Variants in ELF2 observed in about 807,000 individuals in gnomAD.
ELF2 encodes the protein E74 like ETS transcription factor 2, also known as ETS-related transcription factor Elf-2.
ELF2 carries 11 observed loss-of-function variants against 54.8 expected under a neutral mutation model. The observed-to-expected ratio is 0.20, with a 90% confidence interval of 0.13 to 0.33. The LOEUF is 0.33. Ranked by LOEUF, ELF2 falls within the 10% of genes least tolerant of loss-of-function variation. The probability of loss-of-function intolerance (pLI) is 1.00; values close to 1 mark genes in which losing one functional copy is unlikely to be tolerated. For synonymous variants in ELF2, 203 were observed against 245.1 expected, an observed-to-expected ratio of 0.83 and a Z score of 1.61; for missense variants, 513 against 703.0, an observed-to-expected ratio of 0.73 and a Z score of 3.06.
rs72724731 is a variant in ELF2 at position 139,111,262 on chromosome 4, A to G, written c.238+13902T>C. On this transcript the variant is annotated intron_variant, in intron 4 of 9. Transcript: ENST00000686138. Reference sequence around the variant, plus strand: ...CTGAAAATACAGATAGAGTTTCAAGATAACTTTTACTTACAAGTTAGTCCT... The same window carrying G: ...CTGAAAATACAGATAGAGTTTCAAGGTAACTTTTACTTACAAGTTAGTCCT... Among the ~76,000 whole-genome samples the G allele has an allele frequency of 2.6e-3, 393 of 152,302 alleles. 3 individuals carry two copies. Among genetic ancestry groups the G allele is most frequent in the Non-Finnish European group, 3.9e-3 (268 of 68,014 alleles).
chr4:139,090,913 GT>G, intron 4 of ELF2, among the ~76,000 whole-genome samples: 1 of 149,540 alleles, frequency 6.7e-6, no homozygotes, highest in South Asian at 2.1e-4. Context: ...ATAGTATATG[GT>G]TTGTTTTGTT....
At chr4:139,177,890 T>C (rs1743138883), upstream of ELF2, among the ~76,000 whole-genome samples, 1 of 152,052 alleles carries the variant, frequency 6.6e-6, no homozygotes, top group Non-Finnish European at 1.5e-5. Context: ...CAGTTCCCAC[T>C]CCTCAGCCTT....
chr4:139,067,836 G>A, intron 6 of ELF2, 66 bp from the exon 7 acceptor site: 1 of 1,433,898 alleles, frequency 7.0e-7, no homozygotes, highest in Non-Finnish European at 9.6e-7. Flanking sequence ...ACGATTAGCA[G>A]ACTTTCTGAT....
chr4:139,122,460 T>C (rs1369717369), intron 4 of ELF2, among the ~76,000 whole-genome samples: 1 of 152,058 alleles, frequency 6.6e-6, no homozygotes, highest in Non-Finnish European at 1.5e-5. Context: ...ATTCAGATTT[T>C]AACTCATTTA....
At chr4:139,148,511 T>A (rs1739505464) in intron 1 of ELF2, among the ~76,000 whole-genome samples, 1 of 151,892 alleles carries the variant, frequency 6.6e-6, no homozygotes, top group Non-Finnish European at 1.5e-5. Flanking sequence ...CTTCTTTCAC[T>A]TACAATAAAG....
chr4:139,089,098 C>T (rs1240203743), intron 4 of ELF2, among the ~76,000 whole-genome samples: 1 of 152,214 alleles, frequency 6.6e-6, no homozygotes, highest in African/African-American at 2.4e-5. Flanking sequence ...CAAAAATCAG[C>T]ATATCAAGTC....
At chr4:139,159,899 C>A (rs907645966) in intron 1 of ELF2, among the ~76,000 whole-genome samples, 2 of 152,134 alleles carry the variant, frequency 1.3e-5, no homozygotes, top group African/African-American at 2.4e-5. Context: ...ATATGGAAGG[C>A]GTATTTAGAG....
At chr4:139,135,833 A>G (rs549700038) in intron 3 of ELF2, among the ~76,000 whole-genome samples, 2 of 152,296 alleles carry the variant, frequency 1.3e-5, no homozygotes, top group East Asian at 3.9e-4. Context: ...GTCAATAATA[A>G]TTTGGTAAAG....
At chr4:139,080,892 C>T (rs1313641602) in intron 4 of ELF2, among the ~76,000 whole-genome samples, 1 of 151,302 alleles carries the variant, frequency 6.6e-6, no homozygotes, top group Admixed American at 6.6e-5. Context: ...AGTTAACCTA[C>T]CAATTACATA....
At chr4:139,059,666 T>A in intron 9 of ELF2, 59 bp from the exon 10 acceptor site, 1 of 1,545,222 alleles carries the variant, frequency 6.5e-7, no homozygotes, top group Non-Finnish European at 8.7e-7. Context: ...AAAATAGGTC[T>A]CCTGAGTAAA....
intron 4 of ELF2, among the ~76,000 whole-genome samples, chr4:139,090,031 G>A (rs1407202052): frequency 2.0e-5 from 3 of 152,168 alleles, no homozygotes; most frequent in African/African-American, 4.8e-5. Flanking sequence ...CTGGGCTCAA[G>A]AGACCCTCCA....
intron 5 of ELF2, 86 bp downstream of exon 5, chr4:139,073,368 C>A: frequency 1.3e-6 from 1 of 786,862 alleles, no homozygotes; most frequent in Non-Finnish European, 1.9e-6. Context: ...CCCAACAATT[C>A]CATTGGATTA....
rs1338197838 is a variant in ELF2 at position 139,177,073 on chromosome 4, C to T, written c.-358G>A. ...AGCGTCCGGAGGGAGCCGGGGCCTC[C>T]CCAGCAGCCCGAGCCGCTCCACAGG... is the stretch of plus-strand genomic sequence containing the variant. On this transcript the variant is annotated 5_prime_UTR_variant, in exon 1 of 10. Transcript: ENST00000686138. 2 of 152,320 alleles carry T rather than the reference C, an allele frequency of 1.3e-5. No homozygotes were observed. Among genetic ancestry groups the T allele is most frequent in the African/African-American group, 4.8e-5 (2 of 41,430 alleles). The allele number at this position is 152,320 out of a possible 1,614,324, so 9.4% of individuals were successfully genotyped here.
At chr4:139,103,350 A>G (rs1438802919) in intron 4 of ELF2, among the ~76,000 whole-genome samples, 2 of 152,216 alleles carry the variant, frequency 1.3e-5, no homozygotes, top group African/African-American at 2.4e-5. Context: ...GTCACCAGAA[A>G]GACCAAGGCA....
intron 4 of ELF2, among the ~76,000 whole-genome samples, chr4:139,122,782 T>A (rs932940883): frequency 1.3e-5 from 2 of 151,650 alleles, no homozygotes; most frequent in African/African-American, 4.8e-5. Flanking sequence ...ATCACAGGTG[T>A]GAGCTACCAC....
At chr4:139,124,613 A>G (rs1355796021) in intron 4 of ELF2, among the ~76,000 whole-genome samples, 2 of 152,226 alleles carry the variant, frequency 1.3e-5, no homozygotes, top group East Asian at 3.8e-4. Flanking sequence ...TAAGAATTAT[A>G]GATACTAATC....
chr4:139,176,217 C>T (rs1742898729), intron 1 of ELF2, among the ~76,000 whole-genome samples: 1 of 152,186 alleles, frequency 6.6e-6, no homozygotes, highest in South Asian at 2.1e-4. Flanking sequence ...AAACAGATTC[C>T]GATCCGAGCA....
chr4:139,084,415 A>AGGGGCAGGG (rs1474900867), intron 4 of ELF2: 39 of 1,290,334 alleles, frequency 3.0e-5, no homozygotes, highest in Non-Finnish European at 3.7e-5. Context: ...ACCTAACGGC[A>AGGGGCAGGG]GGGGCAGGGG....
chr4:139,068,226 T>C (rs1729004067), intron 6 of ELF2, among the ~76,000 whole-genome samples: 1 of 152,198 alleles, frequency 6.6e-6, no homozygotes, highest in Non-Finnish European at 1.5e-5. Context: ...TTCACCGTAT[T>C]AGCCAGATGG....
Sources: gnomAD v4.1 joint callset for allele counts (sites outside exome capture counted in the v4.1 genomes callset) on GRCh38, gnomAD v4.1.1 for gene constraint, MANE v1.5 for transcripts, NCBI Gene and HGNC (gene_info 2026-07-23, HGNC 2026-07-21) for gene names.